SCN1A: variants seen among roughly 807,000 people sequenced by gnomAD.
SCN1A encodes sodium voltage-gated channel alpha subunit 1.
SCN1A carries 13 observed loss-of-function variants against 193.7 expected under a neutral mutation model. The observed-to-expected ratio is 0.07, with a 90% CI of 0.04 to 0.11. SCN1A has a LOEUF of 0.11. Ranked by LOEUF, SCN1A falls within the 10% of genes least tolerant of loss-of-function variation. The pLI is 1.00. For missense variants in SCN1A, 1,432 were observed against 2,451.1 expected (o/e 0.58, Z 8.78); for synonymous variants, 781 against 843.6 (o/e 0.93, Z 1.29).
chr2:166,051,359 A>G (rs1042548203), intron 9 of SCN1A, among the ~76,000 whole-genome samples: 1 of 152,062 alleles, frequency 6.6e-6, no homozygotes, highest in African/African-American at 2.4e-5. Context: ...ATATTGTTAA[A>G]TAGTTTGATT....
intron 16 of SCN1A, among the ~76,000 whole-genome samples, chr2:166,040,379 A>G (rs1275174730): frequency 6.6e-6 from 1 of 152,212 alleles, no homozygotes; most frequent in African/African-American, 2.4e-5. Context: ...ATTCTTATCT[A>G]TTATACTAGG....
At chr2:166,080,652 A>G (rs1251542339) in intron 2 of SCN1A, among the ~76,000 whole-genome samples, 2 of 151,798 alleles carry the variant, frequency 1.3e-5, no homozygotes, top group Admixed American at 1.3e-4. Context: ...AATCCAAAAG[A>G]ACATGAAATG....
intron 1 of SCN1A, among the ~76,000 whole-genome samples, chr2:166,140,996 G>A (rs1558915769): frequency 6.6e-6 from 1 of 152,064 alleles, no homozygotes; most frequent in Admixed American, 6.5e-5. Flanking sequence ...GATTTCCCCA[G>A]GTGATTCTGT....
At chr2:166,016,055 G>A (rs1159530976) in intron 19 of SCN1A, 14 of 300,962 alleles carry the variant, frequency 4.7e-5, no homozygotes, top group Middle Eastern at 1.1e-3. Flanking sequence ...GAAGAGAAAG[G>A]GAAAAGGAGC....
At position 166,043,839 on chromosome 2, in the gene SCN1A, T is replaced by G; in HGVS notation, c.1873A>C (p.Thr625Pro). The change falls in exon 14 of 29, where the codon ACC becomes CCC. Residue 625 changes from threonine to proline, a missense_variant. Physicochemically the swap from Thr to Pro is conservative, Grantham distance 38. Around this residue, in one of 18 missense-constraint regions of SCN1A, gnomAD observed 316 missense variants for 362.1 expected, o/e 0.87. Coordinates refer to ENST00000674923, the MANE Select transcript of SCN1A (RefSeq NM_001165963.4). Reference sequence around the variant, plus strand: ...GCCAGCATCCGGGATGACCTACTGGTCTGACTCAGGTTGCTGTTGCGTCTC... The same window carrying G: ...GCCAGCATCCGGGATGACCTACTGGGCTGACTCAGGTTGCTGTTGCGTCTC... The part of the protein sequence containing the change: ...GERRNSNLSQ[T>P]SRSSRMLAVF... The G allele has an allele frequency of 1.9e-6, 3 of 1,614,152 alleles. No individual in the cohort carries two copies. Among genetic ancestry groups the G allele is most frequent in the Non-Finnish European group, 2.5e-6 (3 of 1,180,012 alleles).
Position 166,012,276 on chromosome 2 carries a change from C to G in SCN1A, c.3712G>C (p.Glu1238Gln), listed in dbSNP as rs750364705. ...ILLSSGALAF[E>Q]DIYIDQRKTI... is the part of the protein sequence containing the mutation. ...TTTCGCTGATCAATATATATATCTT[C>G]AAATGCCTATAAAGAAAATGTTACA... The change falls in exon 22 of 29, where the codon GAA becomes CAA. Residue 1238 changes from glutamate (E) to glutamine (Q), a missense_variant. Coordinates refer to ENST00000674923, the MANE Select transcript of SCN1A (RefSeq NM_001165963.4). 2 of 1,605,502 alleles carry G rather than the reference C, an allele frequency of 1.2e-6. No individual in the cohort carries two copies. The highest frequency in any genetic ancestry group is 3.4e-5 in the Admixed American group (2 of 59,440).
At chr2:166,023,553 A>C (rs1275042816) in intron 19 of SCN1A, among the ~76,000 whole-genome samples, 1 of 152,208 alleles carries the variant, frequency 6.6e-6, no homozygotes, top group Non-Finnish European at 1.5e-5. Context: ...ACATTTGGAC[A>C]GTCTTAAATC....
intron 23 of SCN1A, chr2:166,003,031 G>A (rs1479652378): frequency 4.4e-6 from 1 of 229,276 alleles, no homozygotes; most frequent in East Asian, 8.5e-5. Context: ...AAAGGAAAAG[G>A]AAAATCAGAG....
In SCN1A at chr2:166,059,637, A is replaced by AT. The variant is rs1683072029; in HGVS notation, c.265-950dup. On this transcript the variant is annotated intron_variant, in intron 4 of 28. Coordinates refer to ENST00000674923, the MANE Select transcript of SCN1A (RefSeq NM_001165963.4). The stretch of plus-strand genomic sequence containing the variant: ...GTGAAGAGCATATTTGGGGAAGGAA[A>AT]TTTTAAGCTTCTTGATTTTAAATTC... The AT allele has an allele frequency of 4.6e-5, 7 of 152,320 alleles. No homozygotes were observed. In the South Asian group the frequency reaches 1.4e-3, roughly 32 times the overall value. 9.4% of individuals were successfully genotyped at this position (152,320 alleles called of 1,614,324 possible).
At chr2:166,081,159 G>A (rs1685482044) in intron 2 of SCN1A, among the ~76,000 whole-genome samples, 1 of 151,854 alleles carries the variant, frequency 6.6e-6, no homozygotes, top group African/African-American at 2.4e-5. Context: ...TGGCTTTGGT[G>A]ACCCTCAAAG....
At chr2:166,084,579 G>A (rs1288315726) in intron 2 of SCN1A, among the ~76,000 whole-genome samples, 3 of 152,096 alleles carry the variant, frequency 2.0e-5, no homozygotes, top group African/African-American at 4.8e-5. Flanking sequence ...AATTCCCTTT[G>A]AAGGAAAAAG....
chr2:165,999,723 A>G lies in SCN1A; in HGVS notation c.4338T>C (p.Asn1446=). The change falls in exon 25 of 29, where the codon AAT becomes AAC. Residue 1446 remains asparagine, a splice_region_variant and synonymous_variant. Transcript: ENST00000674923. ...GACTTAGAATACAAGGAATACTTAC[A>G]TTTCTGGAATCAACTGCTGCATACA... The part of the protein sequence containing the change: ...DIMYAAVDSR[N]VELQPKYEES... The G allele has an allele frequency of 6.2e-7, 1 of 1,600,682 alleles. No individual in the cohort carries two copies. Among genetic ancestry groups the G allele is most frequent in the Non-Finnish European group, 8.6e-7 (1 of 1,168,946 alleles).
intron 2 of SCN1A, among the ~76,000 whole-genome samples, chr2:166,087,752 C>A (rs1433728623): frequency 6.6e-6 from 1 of 152,072 alleles, no homozygotes; most frequent in Non-Finnish European, 1.5e-5. Context: ...TTGTTCATTT[C>A]TTTAATATTT....
At chr2:165,997,936 A>G in intron 26 of SCN1A, 102 bp downstream of exon 26, 2 of 860,070 alleles carry the variant, frequency 2.3e-6, no homozygotes, top group South Asian at 2.9e-5. Flanking sequence ...TATAATATAT[A>G]CTCCCATTTT....
intron 4 of SCN1A, among the ~76,000 whole-genome samples, chr2:166,061,823 AAATT>A (rs1383240506): frequency 2.6e-5 from 4 of 152,186 alleles, no homozygotes; most frequent in African/African-American, 9.6e-5. Context: ...GACATAGAGA[AAATT>A]AATACTTTGA....
chr2:166,099,360 C>T (rs866646925), intron 2 of SCN1A, among the ~76,000 whole-genome samples: 2 of 150,842 alleles, frequency 1.3e-5, no homozygotes, highest in Admixed American at 6.6e-5. Flanking sequence ...TGGGACGTAT[C>T]TCAAAATAAT....
intron 18 of SCN1A, among the ~76,000 whole-genome samples, chr2:166,036,939 T>A (rs1310461490): frequency 1.3e-5 from 2 of 152,186 alleles, no homozygotes; most frequent in African/African-American, 4.8e-5. Flanking sequence ...AAATTGGATG[T>A]CAATTGAAAA....
At chr2:166,095,059 AAAAC>A (rs1224735436) in intron 2 of SCN1A, among the ~76,000 whole-genome samples, 6 of 152,224 alleles carry the variant, frequency 3.9e-5, no homozygotes, top group African/African-American at 7.2e-5. Context: ...TTGGAAATAG[AAAAC>A]AAACAAATAA....
intron 3 of SCN1A, among the ~76,000 whole-genome samples, chr2:166,074,615 C>T (rs1201502269): frequency 2.0e-5 from 3 of 152,108 alleles, no homozygotes; most frequent in East Asian, 1.9e-4. Context: ...ACGCCAAATC[C>T]CAAATGTATT....
Sources: allele counts gnomAD v4.1 joint callset (sites outside exome capture counted in the v4.1 genomes callset), GRCh38; gene constraint gnomAD v4.1.1; regional missense constraint gnomAD v4.1.1; transcripts MANE v1.5; gene names NCBI Gene and HGNC (gene_info 2026-07-23, HGNC 2026-07-21).